UBE3C: variants seen among roughly 807,000 people sequenced by gnomAD.
The protein encoded by UBE3C is ubiquitin protein ligase E3C, also known as ubiquitin-protein ligase E3C.
A neutral mutation model predicts 129.4 loss-of-function variants in UBE3C; 42 were observed. The ratio of observed to expected loss-of-function variants is 0.32; its 90% CI spans 0.25 to 0.42. The LOEUF is 0.42. UBE3C is among the 10% of genes least tolerant of loss of function. The pLI is 1.00. For synonymous variants in UBE3C, 510 were observed against 492.4 expected (o/e 1.04, Z -0.47); for missense variants, 1,049 against 1,319.1 (o/e 0.80, Z 3.17).
At chr7:157,202,703 C>T (rs534536898) in intron 11 of UBE3C, among the ~76,000 whole-genome samples, 5 of 152,192 alleles carry the variant, frequency 3.3e-5, no homozygotes, top group African/African-American at 9.6e-5. Context: ...GTGCTGTAAT[C>T]GGAAAAGATG....
chr7:157,152,777 C>T (rs1563029261), intron 1 of UBE3C, among the ~76,000 whole-genome samples: 1 of 152,178 alleles, frequency 6.6e-6, no homozygotes, highest in Non-Finnish European at 1.5e-5. Context: ...CTGTCTCCTG[C>T]TTTACTTGTG....
At chr7:157,141,111 C>T (rs1807434931) in intron 1 of UBE3C, among the ~76,000 whole-genome samples, 1 of 152,150 alleles carries the variant, frequency 6.6e-6, no homozygotes, top group Non-Finnish European at 1.5e-5. Context: ...GAGTGTGGCA[C>T]TGCTAACCCT....
chr7:157,247,854 C>G (rs910605444), intron 18 of UBE3C, among the ~76,000 whole-genome samples: 7 of 152,174 alleles, frequency 4.6e-5, no homozygotes, highest in African/African-American at 1.7e-4. Context: ...CCCCCCAAAA[C>G]TGTGCTCAAA....
At chr7:157,211,209 A>AT (rs35480997) in intron 13 of UBE3C, among the ~76,000 whole-genome samples, 6 of 147,558 alleles carry the variant, frequency 4.1e-5, no homozygotes, top group East Asian at 4.1e-4. Context: ...ACTATGAGTG[A>AT]TTTTTTTACT....
intron 8 of UBE3C, among the ~76,000 whole-genome samples, chr7:157,182,589 C>A (rs543856883): frequency 2.6e-4 from 39 of 152,300 alleles, no homozygotes; most frequent in African/African-American, 7.9e-4. Flanking sequence ...TGGGAAAGCT[C>A]TTCTGTGAGT....
chr7:157,255,424 A>T (rs1022081241), intron 21 of UBE3C, among the ~76,000 whole-genome samples: 2 of 152,228 alleles, frequency 1.3e-5, no homozygotes, highest in African/African-American at 4.8e-5. Context: ...GTGTGTATCC[A>T]TGCGTATGTA....
intron 1 of UBE3C, among the ~76,000 whole-genome samples, chr7:157,150,085 G>A: frequency 6.6e-6 from 1 of 152,170 alleles, no homozygotes; most frequent in Admixed American, 6.5e-5. Flanking sequence ...GATTTATCAA[G>A]AGTCTAACAA....
intron 1 of UBE3C, among the ~76,000 whole-genome samples, chr7:157,161,800 G>A (rs1808078316): frequency 6.6e-6 from 1 of 152,034 alleles, no homozygotes; most frequent in South Asian, 2.1e-4. Context: ...GGCCAAGCAT[G>A]GTGTCTCATG....
At chr7:157,143,918 T>TA in intron 1 of UBE3C, among the ~76,000 whole-genome samples, 1 of 152,162 alleles carries the variant, frequency 6.6e-6, no homozygotes, top group Non-Finnish European at 1.5e-5. Flanking sequence ...TGGGGATACT[T>TA]ACAAAAGAGT....
At chr7:157,241,797 G>C (rs1246494689) in intron 18 of UBE3C, among the ~76,000 whole-genome samples, 1 of 152,174 alleles carries the variant, frequency 6.6e-6, no homozygotes, top group Non-Finnish European at 1.5e-5. Context: ...AACAGAATAC[G>C]GTTCATCCAT....
intron 1 of UBE3C, among the ~76,000 whole-genome samples, chr7:157,156,618 C>G (rs769861858): frequency 2.0e-5 from 3 of 151,626 alleles, no homozygotes; most frequent in Non-Finnish European, 4.4e-5. Context: ...ATTCTTTAAT[C>G]CTTACATTCA....
intron 18 of UBE3C, among the ~76,000 whole-genome samples, chr7:157,236,480 C>T (rs1465797594): frequency 2.0e-5 from 3 of 152,034 alleles, no homozygotes; most frequent in East Asian, 1.9e-4. Context: ...AATTTTTTAT[C>T]GCGGTAGAAT....
At chr7:157,262,632 G>A (rs1796951438) in intron 22 of UBE3C, among the ~76,000 whole-genome samples, 1 of 151,830 alleles carries the variant, frequency 6.6e-6, no homozygotes. Context: ...TGTTGGCCAG[G>A]CTGGTCTCGA....
At chr7:157,208,449 A>G (rs1809501338) in intron 13 of UBE3C, among the ~76,000 whole-genome samples, 1 of 152,218 alleles carries the variant, frequency 6.6e-6, no homozygotes, top group African/African-American at 2.4e-5. Context: ...AACTAAAATT[A>G]CTTTCATTTT....
chr7:157,166,174 G>C (rs543579202), intron 2 of UBE3C, among the ~76,000 whole-genome samples: 2 of 152,204 alleles, frequency 1.3e-5, no homozygotes, highest in Admixed American at 6.5e-5. Flanking sequence ...TGAATGCTTT[G>C]CTCATTCTTT....
At chr7:157,174,298 C>T (rs1261833275) in intron 4 of UBE3C, among the ~76,000 whole-genome samples, 1 of 152,058 alleles carries the variant, frequency 6.6e-6, no homozygotes, top group Non-Finnish European at 1.5e-5. Context: ...ATGAGAAATA[C>T]CGTATTTCTC....
Position 157,186,923 on chromosome 7 carries a change from G to C in UBE3C, c.1233G>C (p.Leu411=). Reference sequence around the variant, plus strand: ...AGCAGACCAACACCCTGCTCAACCTGGTGTGGAGGGACTCTGCGAGCGAGG... The same window carrying C: ...AGCAGACCAACACCCTGCTCAACCTCGTGTGGAGGGACTCTGCGAGCGAGG... ...TKQQTNTLLN[L]VWRDSASEEV... The change falls in exon 10 of 23, where the codon CTG becomes CTC. Residue 411 remains leucine, a synonymous_variant. Coordinates refer to ENST00000348165, the MANE Select transcript of UBE3C (RefSeq NM_014671.3). 1 of 1,614,136 alleles carries C rather than the reference G, an allele frequency of 6.2e-7. No homozygotes were observed. Among genetic ancestry groups the C allele is most frequent in the Non-Finnish European group, 8.5e-7 (1 of 1,180,010 alleles).
chr7:157,245,873 C>A (rs1020703889), intron 18 of UBE3C, among the ~76,000 whole-genome samples: 3 of 151,916 alleles, frequency 2.0e-5, no homozygotes, highest in Non-Finnish European at 4.4e-5. Flanking sequence ...CGCCTGTAGT[C>A]CCAGCTACTC....
intron 13 of UBE3C, among the ~76,000 whole-genome samples, chr7:157,209,908 T>C (rs2117014974): frequency 6.6e-6 from 1 of 152,334 alleles, no homozygotes; most frequent in East Asian, 1.9e-4. Context: ...AGGCCGGGTG[T>C]GGTGGCTCAC....
Sources: gnomAD v4.1 joint callset for allele counts (sites outside exome capture counted in the v4.1 genomes callset) on GRCh38, gnomAD v4.1.1 for gene constraint, MANE v1.5 for transcripts, NCBI Gene and HGNC (gene_info 2026-07-23, HGNC 2026-07-21) for gene names.